KRT82: variants seen among roughly 807,000 people sequenced by gnomAD.
KRT82 encodes the protein keratin 82.
A neutral mutation model predicts 48.0 loss-of-function variants in KRT82; 44 were observed. The ratio of observed to expected loss-of-function variants is 0.92; its 90% CI spans 0.72 to 1.18. KRT82 has a LOEUF of 1.18. KRT82 is among the 50% of genes most tolerant of loss of function. The probability of loss-of-function intolerance (pLI) is 0.00; values close to 1 mark genes in which losing one functional copy is unlikely to be tolerated. For missense variants in KRT82, 701 were observed against 671.4 expected (o/e 1.04, Z -0.49); for synonymous variants, 297 against 278.3 (o/e 1.07, Z -0.67).
At chr12:52,397,156 C>G (rs2249384) in intron 5 of KRT82, 148 bp from the exon 6 acceptor site, 160 of 965,610 alleles carry the variant, frequency 1.7e-4, no homozygotes, top group Non-Finnish European at 2.2e-4. Flanking sequence ...TACCTTCTTC[C>G]GCTTCTGGGC....
intron 1 of KRT82, among the ~76,000 whole-genome samples, chr12:52,405,212 G>T (rs1424910086): frequency 1.3e-5 from 2 of 152,054 alleles, no homozygotes; most frequent in Non-Finnish European, 2.9e-5. Flanking sequence ...GTGGGAATCT[G>T]CACTGTTCCT....
rs953066573 is a variant in KRT82, at chr12:52,396,331, C to G, written c.1069-99G>C. On this transcript the variant is annotated intron_variant, in intron 6 of 8. Transcript: ENST00000257974. ...AACACGGGGGTGGCTACGTGCCAGG[C>G]TCACATTTGCGAGCTTCATCCTAGG... The G allele has an allele frequency of 1.5e-5, 17 of 1,136,582 alleles. No homozygotes were observed. The Admixed American group carries it at 2.4e-4, about 16-fold the overall frequency. The allele number at this position is 1,136,582 out of a possible 1,614,324, so 70.4% of individuals were successfully genotyped here. A position where few individuals can be genotyped will look rare whatever the true frequency, so the allele number is the denominator to read the frequency against.
chr12:52,405,843 G>T (rs1190722545), intron 1 of KRT82, 24 bp downstream of exon 1: 1 of 1,585,400 alleles, frequency 6.3e-7, no homozygotes, highest in East Asian at 2.2e-5. Context: ...GTCCTCTCAC[G>T]GCCCTGGGCC....
rs773320303 is a variant in KRT82 at position 52,395,740 on chromosome 12, G to C, written c.1321+19C>G. On this transcript the variant is annotated intron_variant, in intron 8 of 8. Coordinates refer to ENST00000257974, the MANE Select transcript of KRT82 (RefSeq NM_033033.4). Reference sequence around the variant, plus strand: ...CCCCCAAGACTCCAGAGCCAGTGGGGCATGGCTCATCTACTTACAGATATT... The same window carrying C: ...CCCCCAAGACTCCAGAGCCAGTGGGCCATGGCTCATCTACTTACAGATATT... 2 of 1,556,188 alleles carry C rather than the reference G, an allele frequency of 1.3e-6. No individual in the cohort carries two copies. The highest frequency in any genetic ancestry group is 1.7e-6 in the Non-Finnish European group (2 of 1,153,800).
At chr12:52,403,953 G>A in intron 1 of KRT82, 44 bp from the exon 2 acceptor site, 1 of 1,568,730 alleles carries the variant, frequency 6.4e-7, no homozygotes, top group South Asian at 1.1e-5. Context: ...GAGATCCTGG[G>A]GACCATGACT....
intron 5 of KRT82, 67 bp downstream of exon 5, chr12:52,399,918 T>TG: frequency 1.3e-6 from 2 of 1,531,628 alleles, no homozygotes; most frequent in Non-Finnish European, 1.8e-6. Flanking sequence ...AGAAGGAGTC[T>TG]GGGGGTCCTC....
At chr12:52,395,925 G>A (rs1939706606) in intron 7 of KRT82, 87 bp downstream of exon 7, 9 of 1,569,836 alleles carry the variant, frequency 5.7e-6, no homozygotes, top group Admixed American at 5.2e-5. Context: ...AGGGGACGGG[G>A]TGAGAGATAC....
In KRT82 at chr12:52,404,027, ATTTGC is replaced by A; in HGVS notation, c.412-123_412-119del. The A allele has an allele frequency of 8.1e-6, 8 of 983,118 alleles. No individual in the cohort carries two copies. In the Admixed American group the frequency reaches 9.9e-5, roughly 12 times the overall value. The allele number at this position is 983,118 out of a possible 1,614,324, so 60.9% of individuals were successfully genotyped here. On this transcript the variant is annotated intron_variant, in intron 1 of 8. Coordinates refer to ENST00000257974, the MANE Select transcript of KRT82 (RefSeq NM_033033.4). ...AACACATGGCTACCAGTGCACTAGAATTTGCAAAAATCAGGGTCTCTGCATAGACT... is the reference window on the plus strand; with the variant it reads ...AACACATGGCTACCAGTGCACTAGAAAAAAATCAGGGTCTCTGCATAGACT...
Position 52,400,033 on chromosome 12 carries a change from G to A in KRT82, c.894C>T (p.Asp298=), listed in dbSNP as rs1471840410. The stretch of plus-strand genomic sequence containing the variant: ...CTTCGGCTTTGCTGCGGCTGGCGAT[G>A]TCGTCATACTGCGCCTTGATCTCAG... ...IIAEIKAQYD[D]IASRSKAEAE... Residue 298 remains aspartate (D), a synonymous_variant, in exon 5 of 9, where the codon GAC becomes GAT. Coordinates refer to ENST00000257974, the MANE Select transcript of KRT82 (RefSeq NM_033033.4). 1.2e-6 allele frequency: 2 copies of A among 1,614,076 alleles called. No individual in the cohort carries two copies. The highest frequency in any genetic ancestry group is 2.7e-5 in the African/African-American group (2 of 74,946).
At position 52,396,199 on chromosome 12, in the gene KRT82, C is replaced by A. The variant is rs745911320; in HGVS notation, c.1102G>T (p.Glu368Ter). Residue 368 changes from glutamate (E) to a stop codon, truncating the protein, a stop_gained, in exon 7 of 9, where the codon GAG becomes TAG. Coordinates refer to ENST00000257974, the MANE Select transcript of KRT82 (RefSeq NM_033033.4). LOFTEE classifies it high-confidence loss of function. ...CKLEGAIAEA[E>*]QQGEAALNDA... ...TTGAGAGCCGCCTCGCCCTGCTGCT[C>A]TGCCTCAGCTATGGCACCCTCAAGT... is the stretch of plus-strand genomic sequence containing the variant. 2 of 1,613,944 alleles carry A rather than the reference C, an allele frequency of 1.2e-6. No individual in the cohort carries two copies. The highest frequency in any genetic ancestry group is 1.7e-6 in the Non-Finnish European group (2 of 1,180,034).
At chr12:52,397,834 G>T (rs1939735049) in intron 5 of KRT82, among the ~76,000 whole-genome samples, 1 of 152,170 alleles carries the variant, frequency 6.6e-6, no homozygotes, top group Non-Finnish European at 1.5e-5. Context: ...ATCATTTGAG[G>T]TCAAGAGTTC....
chr12:52,399,785 T>C (rs1164458493), intron 5 of KRT82, among the ~76,000 whole-genome samples, 200 bp downstream of exon 5: 2 of 152,160 alleles, frequency 1.3e-5, no homozygotes, highest in Non-Finnish European at 2.9e-5. Flanking sequence ...GAGGGGTCCC[T>C]CCCACGTGCT....
In KRT82 at chr12:52,400,037, T is replaced by C. The variant is rs1264558330; in HGVS notation, c.890A>G (p.Asp297Gly). Residue 297 changes from aspartate (D) to glycine (G), a missense_variant, in exon 5 of 9, where the codon GAC becomes GGC. By Grantham distance (94) the Asp-to-Gly change is moderately conservative. Coordinates refer to ENST00000257974, the MANE Select transcript of KRT82 (RefSeq NM_033033.4). The part of the protein sequence containing the change: ...GIIAEIKAQY[D>G]DIASRSKAEA... ...GGCTTTGCTGCGGCTGGCGATGTCG[T>C]CATACTGCGCCTTGATCTCAGCGAT... 6.2e-7 allele frequency: 1 copy of C among 1,614,166 alleles called. No homozygotes were observed. Among genetic ancestry groups the C allele is most frequent in the Non-Finnish European group, 8.5e-7 (1 of 1,180,012 alleles).
In KRT82 at chr12:52,395,130, T is replaced by C; in HGVS notation, c.1387A>G (p.Thr463Ala). Residue 463 changes from threonine to alanine, a missense_variant, in exon 9 of 9, where the codon ACT becomes GCT. Thr to Ala is a moderately conservative substitution (Grantham distance 58). Coordinates refer to ENST00000257974, the MANE Select transcript of KRT82 (RefSeq NM_033033.4). ...PCGVSTPVLS[T>A]GVLRSNGGCS... ...CCCCCATTGCTCCTGAGGACGCCAG[T>C]GCTGAGGACAGGCGTGCTGACCCCA... 6.2e-7 allele frequency: 1 copy of C among 1,614,008 alleles called. No individual in the cohort carries two copies. Among genetic ancestry groups the C allele is most frequent in the Non-Finnish European group, 8.5e-7 (1 of 1,179,980 alleles).
chr12:52,398,073 A>C (rs1939737931), intron 5 of KRT82, among the ~76,000 whole-genome samples: 1 of 152,284 alleles, frequency 6.6e-6, no homozygotes, highest in East Asian at 1.9e-4. Flanking sequence ...CAAACAAAAA[A>C]CAAAAATAAC....
chr12:52,397,133 G>T (rs1028249506), intron 5 of KRT82, 125 bp from the exon 6 acceptor site: 1 of 1,221,082 alleles, frequency 8.2e-7, no homozygotes, highest in Admixed American at 2.4e-5. Flanking sequence ...TTCTCATACT[G>T]GTTCTGCTCC....
Position 52,397,018 on chromosome 12 carries a change from C to T in KRT82, c.943-10G>A. On this transcript the variant is annotated splice_polypyrimidine_tract_variant and intron_variant, in intron 5 of 8. Transcript: ENST00000257974. ...CTCTCAGCTCCTCATACTGCCAGGA[C>T]AGAGAGGTCAGAGCCCCAGGCCCCA... The T allele has an allele frequency of 6.2e-7, 1 of 1,613,212 alleles. No homozygotes were observed. The highest frequency in any genetic ancestry group is 8.5e-7 in the Non-Finnish European group (1 of 1,179,968).
At chr12:52,401,739 G>A (rs903365035) in intron 2 of KRT82, among the ~76,000 whole-genome samples, 1 of 152,088 alleles carries the variant, frequency 6.6e-6, no homozygotes, top group African/African-American at 2.4e-5. Flanking sequence ...GGCTGACCCT[G>A]TGCATCCTCC....
intron 1 of KRT82, among the ~76,000 whole-genome samples, chr12:52,404,294 A>C (rs1939825414): frequency 6.6e-6 from 1 of 152,144 alleles, no homozygotes; most frequent in African/African-American, 2.4e-5. Context: ...AGTGTATGGG[A>C]AGGGACTCTG....
Sources: allele counts gnomAD v4.1 joint callset (sites outside exome capture counted in the v4.1 genomes callset), GRCh38; gene constraint gnomAD v4.1.1; transcripts MANE v1.5; gene names NCBI Gene and HGNC (gene_info 2026-07-23, HGNC 2026-07-21).